Variants in GLRA2 observed in about 807,000 individuals in gnomAD.
GLRA2 encodes glycine receptor alpha 2.
In GLRA2, 11 loss-of-function variants were observed where a neutral mutation model predicts 31.6. The ratio of observed to expected loss-of-function variants is 0.35; its 90% confidence interval spans 0.22 to 0.58. The LOEUF is 0.58. Among genes scored for constraint, GLRA2 ranks in the 20% least tolerant of loss-of-function variants. The probability of loss-of-function intolerance (pLI) is 0.84; values close to 1 mark genes in which losing one functional copy is unlikely to be tolerated. For missense variants in GLRA2, 212 were observed against 351.8 expected, an observed-to-expected ratio of 0.60 and a Z score of 3.18; for synonymous variants, 132 against 134.0, an observed-to-expected ratio of 0.99 and a Z score of 0.10.
At chrX:14,460,954 G>T in the GLRA2 span, among the ~76,000 whole-genome samples, 3 of 111,374 alleles carry the variant, frequency 2.7e-5, no homozygotes, top group African/African-American at 9.8e-5. Context: ...TGATGTTACA[G>T]TGTCGATTTT....
the GLRA2 span, among the ~76,000 whole-genome samples, chrX:14,508,208 C>T: frequency 2.5e-3 from 285 of 112,263 alleles, 1 homozygote; most frequent in African/African-American, 8.5e-3. Context: ...ACACGGGATG[C>T]ATTCCAAAGC....
intron 7 of GLRA2, among the ~76,000 whole-genome samples, chrX:14,636,299 G>GT (rs2090709613): frequency 9.0e-6 from 1 of 111,526 alleles, no homozygotes; most frequent in African/African-American, 3.3e-5. Flanking sequence ...AGAAAAAAGA[G>GT]TAACTTTACA....
chrX:14,475,665 T>C, the GLRA2 span, among the ~76,000 whole-genome samples: 3 of 111,369 alleles, frequency 2.7e-5, no homozygotes, highest in Non-Finnish European at 5.6e-5. Context: ...TCCAAGGTAA[T>C]AAATAATTTT....
chrX:14,669,931 T>G (rs904988905), intron 7 of GLRA2, among the ~76,000 whole-genome samples: 1 of 112,717 alleles, frequency 8.9e-6, no homozygotes, highest in Non-Finnish European at 1.9e-5. Flanking sequence ...GATTTACTTT[T>G]CTATTGCATT....
At chrX:14,599,628 G>T (rs772067331) in intron 4 of GLRA2, among the ~76,000 whole-genome samples, 1 of 111,938 alleles carries the variant, frequency 8.9e-6, no homozygotes, top group East Asian at 2.8e-4. Context: ...AGCAAATGGG[G>T]TGGCACTTTT....
chrX:14,532,376 G>A lies in GLRA2; in HGVS notation c.202+4G>A. ...AGAATCAGGCCAAATTTTAAAGGTA[G>A]GTTCCACTTAAACTTACGTTAAGCC... On this transcript the variant is annotated splice_donor_region_variant and intron_variant, in intron 2 of 8. Coordinates refer to ENST00000218075, the MANE Select transcript of GLRA2 (RefSeq NM_002063.4). The A allele has an allele frequency of 1.7e-6, 2 of 1,151,964 alleles. No homozygotes were observed. The highest frequency in any genetic ancestry group is 4.7e-5 in the Admixed American group (2 of 42,569). The allele number at this position is 1,151,964 out of a possible 1,213,427, so 94.9% of individuals were successfully genotyped here. A position where few individuals can be genotyped will look rare whatever the true frequency, so the allele number is the denominator to read the frequency against.
intron 2 of GLRA2, among the ~76,000 whole-genome samples, chrX:14,566,075 C>T (rs1326538569): frequency 9.0e-6 from 1 of 111,066 alleles, no homozygotes; most frequent in African/African-American, 3.3e-5. Context: ...TTTACCTAGA[C>T]TGACGAAGAA....
At chrX:14,728,206 T>C (rs1449693333) in intron 8 of GLRA2, among the ~76,000 whole-genome samples, 2 of 110,072 alleles carry the variant, frequency 1.8e-5, no homozygotes, top group African/African-American at 3.3e-5. Context: ...CTTAGCAACA[T>C]AGTGGGACCC....
intron 7 of GLRA2, among the ~76,000 whole-genome samples, chrX:14,634,151 G>A (rs770683325): frequency 1.1e-4 from 12 of 110,957 alleles, no homozygotes; most frequent in Non-Finnish European, 2.3e-4. Flanking sequence ...GTTTCACCAT[G>A]TTGGCCAGGC....
chrX:14,523,840 C>G, the GLRA2 span, among the ~76,000 whole-genome samples: 1 of 111,389 alleles, frequency 9.0e-6, no homozygotes, highest in Admixed American at 9.6e-5. Flanking sequence ...TCACAGGTCA[C>G]CATAATAGAT....
chrX:14,633,655 AG>A (rs888276325), intron 7 of GLRA2, among the ~76,000 whole-genome samples: 18 of 112,044 alleles, frequency 1.6e-4, no homozygotes, highest in African/African-American at 5.8e-4. Context: ...TAATTTATAA[AG>A]CAAAGAGTTT....
At chrX:14,708,923 A>C (rs1356818012) in intron 8 of GLRA2, among the ~76,000 whole-genome samples, 1 of 110,492 alleles carries the variant, frequency 9.1e-6, no homozygotes, top group Non-Finnish European at 1.9e-5. Flanking sequence ...GCAACAAGAG[A>C]GAAACTCCGT....
chrX:14,683,489 C>T (rs777179313), intron 7 of GLRA2, among the ~76,000 whole-genome samples: 5 of 110,950 alleles, frequency 4.5e-5, no homozygotes, highest in South Asian at 3.9e-4. Flanking sequence ...TTCTCCCATT[C>T]TGTAGGTTGC....
chrX:14,678,994 C>T (rs1233818156), intron 7 of GLRA2, among the ~76,000 whole-genome samples: 1 of 110,783 alleles, frequency 9.0e-6, no homozygotes. Context: ...GTAACTTCTG[C>T]CTACATTCCA....
At chrX:14,599,211 A>G (rs2090240541) in intron 4 of GLRA2, among the ~76,000 whole-genome samples, 1 of 112,618 alleles carries the variant, frequency 8.9e-6, no homozygotes. Flanking sequence ...ACAGTGGAGG[A>G]ACGGACAATA....
chrX:14,451,965 A>G, the GLRA2 span, among the ~76,000 whole-genome samples: 36 of 111,722 alleles, frequency 3.2e-4, no homozygotes, highest in African/African-American at 1.1e-3. Flanking sequence ...AAAGAGGAAG[A>G]GCCCAGACGA....
At chrX:14,672,088 A>T (rs770267926) in intron 7 of GLRA2, among the ~76,000 whole-genome samples, 1 of 112,246 alleles carries the variant, frequency 8.9e-6, no homozygotes, top group Admixed American at 9.4e-5. Flanking sequence ...TTATATCCCA[A>T]GTGGGAGTGT....
the GLRA2 span, among the ~76,000 whole-genome samples, chrX:14,510,431 A>AT: frequency 1.8e-5 from 2 of 111,678 alleles, no homozygotes; most frequent in Non-Finnish European, 3.8e-5. Flanking sequence ...ATGAAGCCTA[A>AT]TTTTTGCAGT....
chrX:14,606,067 G>C (rs1300067351), intron 5 of GLRA2, among the ~76,000 whole-genome samples: 1 of 105,129 alleles, frequency 9.5e-6, no homozygotes, highest in East Asian at 3.0e-4. Context: ...AAACAGGAAA[G>C]TAGATTACAA....
Sources: gnomAD v4.1 joint callset for allele counts (sites outside exome capture counted in the v4.1 genomes callset) on GRCh38, gnomAD v4.1.1 for gene constraint, MANE v1.5 for transcripts, NCBI Gene and HGNC (gene_info 2026-07-23, HGNC 2026-07-21) for gene names.